FARS2: variants seen among roughly 807,000 people sequenced by gnomAD.
FARS2 encodes phenylalanine--tRNA ligase, mitochondrial.
Under a neutral mutation model 46.4 loss-of-function variants are expected in FARS2, and 40 were observed. That is an observed-to-expected ratio of 0.86 (90% CI 0.67 to 1.12). The LOEUF is 1.12. FARS2 is among the 50% of genes most tolerant of loss of function. The pLI is 0.00. For missense variants in FARS2, 513 were observed against 567.9 expected (o/e 0.90, Z 0.98); for synonymous variants, 234 against 214.9 (o/e 1.09, Z -0.78).
intron 4 of FARS2, among the ~76,000 whole-genome samples, chr6:5,440,759 G>C (rs1361766327): frequency 6.6e-6 from 1 of 151,586 alleles, no homozygotes; most frequent in African/African-American, 2.4e-5. Flanking sequence ...TCCTGGCCTC[G>C]AGTGATCCTC....
intron 6 of FARS2, among the ~76,000 whole-genome samples, chr6:5,659,394 A>G (rs1777745623): frequency 6.6e-6 from 1 of 152,204 alleles, no homozygotes; most frequent in African/African-American, 2.4e-5. Flanking sequence ...ACAAGGACAA[A>G]TAAAAAAAGG....
Position 5,276,063 on chromosome 6 carries a change from A to G in FARS2, c.-22+14403A>G, listed in dbSNP as rs111666827. Among the ~76,000 whole-genome samples, 541 of 152,172 alleles carry G rather than the reference A, an allele frequency of 3.6e-3. 6 individuals are homozygous for G. Among genetic ancestry groups the G allele is most frequent in the African/African-American group, 0.012 (489 of 41,522 alleles). ...CAATCATTTAAAATTGCATTTGGAA[A>G]CCCTATTTTCTTTCTGAAAAAGTAG... On this transcript the variant is annotated intron_variant, in intron 1 of 6. Coordinates refer to ENST00000274680, the MANE Select transcript of FARS2 (RefSeq NM_006567.5).
Position 5,314,746 on chromosome 6 carries a change from C to T in FARS2, c.-22+53086C>T, listed in dbSNP as rs78259669. ...CTCGTCGATATGGGGTTACCACTGG[C>T]TCAGTGGCCTCCAGAGAACTTCAGA... On this transcript the variant is annotated intron_variant, in intron 1 of 6. Transcript: ENST00000274680. 3.0e-3 allele frequency among the ~76,000 whole-genome samples: 458 copies of T among 152,280 alleles called. 17 individuals carry two copies. In the East Asian group the frequency reaches 0.076, roughly 25 times the overall value.
chr6:5,330,046 A>G (rs913016077), intron 1 of FARS2, among the ~76,000 whole-genome samples: 3 of 152,198 alleles, frequency 2.0e-5, no homozygotes, highest in African/African-American at 7.2e-5. Context: ...TGGGTCACCA[A>G]GAGTGGCCTC....
intron 1 of FARS2, among the ~76,000 whole-genome samples, chr6:5,306,505 A>G (rs572425569): frequency 6.6e-6 from 1 of 152,272 alleles, no homozygotes; most frequent in South Asian, 2.1e-4. Context: ...CTACTGGGTA[A>G]TCAGGTTTGG....
chr6:5,516,920 A>C lies in FARS2; in HGVS notation c.905-28260A>C, dbSNP rs113207514. Among the ~76,000 whole-genome samples the C allele has an allele frequency of 7.2e-3, 1,096 of 152,288 alleles. 20 individuals carry two copies. Among genetic ancestry groups the C allele is most frequent in the African/African-American group, 0.025 (1,031 of 41,560 alleles). On this transcript the variant is annotated intron_variant, in intron 4 of 6. Coordinates refer to ENST00000274680, the MANE Select transcript of FARS2 (RefSeq NM_006567.5). ...TATCTGTCCACTGCTATGTATAAGC[A>C]TTTTGCAAGATGCTTGGGGTATAAA...
At chr6:5,520,345 T>A (rs1455325355) in intron 4 of FARS2, among the ~76,000 whole-genome samples, 1 of 152,190 alleles carries the variant, frequency 6.6e-6, no homozygotes, top group Non-Finnish European at 1.5e-5. Flanking sequence ...AATAGCCACA[T>A]GTAGTTCAGA....
rs578180124 is a variant in FARS2 at position 5,380,624 on chromosome 6, C to T, written c.612+11442C>T. ...AAAATGGCTAGCAGCCGGTGCCACT[C>T]GCATAGTGTTGAATTATATGTCCAG... On this transcript the variant is annotated intron_variant, in intron 2 of 6. Transcript: ENST00000274680. Among the ~76,000 whole-genome samples, 22 of 152,250 alleles carry T rather than the reference C, an allele frequency of 1.4e-4. No homozygotes were observed. In the South Asian group the frequency reaches 3.7e-3, roughly 26 times the overall value.
intron 1 of FARS2, among the ~76,000 whole-genome samples, chr6:5,345,593 T>C (rs1757178746): frequency 6.6e-6 from 1 of 152,202 alleles, no homozygotes; most frequent in African/African-American, 2.4e-5. Flanking sequence ...AGAACGGAGA[T>C]GAGTGGTAAG....
chr6:5,746,401 C>T (rs998919415), intron 6 of FARS2, among the ~76,000 whole-genome samples: 5 of 152,178 alleles, frequency 3.3e-5, no homozygotes, highest in African/African-American at 1.2e-4. Context: ...GCTTGCCATA[C>T]ATTCATTTGC....
chr6:5,457,229 C>T (rs1764946698), intron 4 of FARS2, among the ~76,000 whole-genome samples: 1 of 152,064 alleles, frequency 6.6e-6, no homozygotes, highest in African/African-American at 2.4e-5. Flanking sequence ...CTCTGCCTGC[C>T]AACATCCTCC....
At chr6:5,256,170 G>A (rs186841135), upstream of FARS2, among the ~76,000 whole-genome samples, 2 of 152,034 alleles carry the variant, frequency 1.3e-5, no homozygotes, top group Non-Finnish European at 2.9e-5. Context: ...GTTGGCTGAA[G>A]AAGAGCCAAG....
intron 1 of FARS2, among the ~76,000 whole-genome samples, chr6:5,323,083 A>C (rs1177348251): frequency 6.6e-6 from 1 of 152,150 alleles, no homozygotes; most frequent in Admixed American, 6.6e-5. Context: ...TTCAGGTTTT[A>C]ATCATTTTTT....
chr6:5,369,404 C>T (rs549757479), intron 2 of FARS2, among the ~76,000 whole-genome samples: 23 of 152,182 alleles, frequency 1.5e-4, no homozygotes, highest in African/African-American at 5.5e-4. Flanking sequence ...GCCTTAGTTT[C>T]CAGTTGTCTG....
intron 6 of FARS2, among the ~76,000 whole-genome samples, chr6:5,743,388 C>T (rs926940205): frequency 1.3e-5 from 2 of 152,186 alleles, no homozygotes; most frequent in African/African-American, 2.4e-5. Context: ...TGGATGCCAA[C>T]GGATGAGGCC....
chr6:5,267,497 T>C (rs1244370508), intron 1 of FARS2, among the ~76,000 whole-genome samples: 3 of 152,058 alleles, frequency 2.0e-5, no homozygotes, highest in Admixed American at 2.0e-4. Context: ...ACACCTGTAA[T>C]CCCAGCACTT....
At chr6:5,484,061 C>G (rs1582237530) in intron 4 of FARS2, among the ~76,000 whole-genome samples, 1 of 152,252 alleles carries the variant, frequency 6.6e-6, no homozygotes, top group East Asian at 1.9e-4. Flanking sequence ...TAGAATCATG[C>G]CACTGCACTC....
chr6:5,462,777 T>C (rs1765313630), intron 4 of FARS2, among the ~76,000 whole-genome samples: 2 of 152,240 alleles, frequency 1.3e-5, no homozygotes, highest in African/African-American at 4.8e-5. Context: ...CTTTCAAAAT[T>C]CTTTTGGCTA....
intron 6 of FARS2, among the ~76,000 whole-genome samples, chr6:5,649,780 T>A (rs2150756188): frequency 6.6e-6 from 1 of 152,306 alleles, no homozygotes; most frequent in Non-Finnish European, 1.5e-5. Context: ...CCCGTACTCT[T>A]ATCCGCTAGG....
Sources: gnomAD v4.1 joint callset for allele counts (sites outside exome capture counted in the v4.1 genomes callset) on GRCh38, gnomAD v4.1.1 for gene constraint, MANE v1.5 for transcripts, NCBI Gene and HGNC (gene_info 2026-07-23, HGNC 2026-07-21) for gene names.